WDR27: variants seen among roughly 807,000 people sequenced by gnomAD.
WDR27 encodes the protein WD repeat-containing protein 27.
In WDR27, 100 loss-of-function variants were observed where a neutral mutation model predicts 114.4. That is an observed-to-expected ratio of 0.87 (90% confidence interval 0.74 to 1.03). WDR27 has a LOEUF of 1.03. WDR27 is among the 50% of genes least tolerant of loss of function. The pLI is 0.00. For synonymous variants in WDR27, 449 were observed against 423.1 expected (o/e 1.06, Z -0.75); for missense variants, 1,129 against 1,092.9 (o/e 1.03, Z -0.47).
intron 24 of WDR27, among the ~76,000 whole-genome samples, chr6:169,577,865 C>A (rs1802690365): frequency 6.6e-6 from 1 of 152,194 alleles, no homozygotes; most frequent in Admixed American, 6.5e-5. Flanking sequence ...CCAACTCTTA[C>A]CCCATTCTCA....
At position 169,668,125 on chromosome 6, in the gene WDR27, G is replaced by C; in HGVS notation, c.517C>G (p.Pro173Ala). Residue 173 changes from proline to alanine, a missense_variant, in exon 5 of 26, where the codon CCA becomes GCA. Pro to Ala is a conservative substitution (Grantham distance 27, BLOSUM62 -1). Transcript: ENST00000448612. Reference protein sequence around the residue: ...PDVNNRHKVPPPTFLHTFSQT... With the variant: ...PDVNNRHKVPAPTFLHTFSQT... ...GAGAATGTGTGCAGGAAGGTCGGTG[G>C]TGGGACTTTGTGGCGGTTATTAACA... 1 of 1,614,058 alleles carries C rather than the reference G, an allele frequency of 6.2e-7. No homozygotes were observed.
intron 21 of WDR27, among the ~76,000 whole-genome samples, chr6:169,617,309 T>C (rs1420537991): frequency 6.6e-6 from 1 of 152,200 alleles, no homozygotes; most frequent in African/African-American, 2.4e-5. Flanking sequence ...CTGATGTATG[T>C]AGAGCCCACA....
At chr6:169,569,707 C>T (rs1402057808) in intron 25 of WDR27, among the ~76,000 whole-genome samples, 1 of 152,164 alleles carries the variant, frequency 6.6e-6, no homozygotes, top group African/African-American at 2.4e-5. Flanking sequence ...TATCAACATC[C>T]TTAAAGCATT....
At chr6:169,516,818 C>CACACAT (rs1423376812) in intron 25 of WDR27, among the ~76,000 whole-genome samples, 4 of 151,614 alleles carry the variant, frequency 2.6e-5, no homozygotes, top group East Asian at 3.9e-4. Flanking sequence ...CACACACACA[C>CACACAT]ACACACACAC....
At chr6:169,584,540 TC>T (rs1342248557) in intron 23 of WDR27, among the ~76,000 whole-genome samples, 1 of 152,224 alleles carries the variant, frequency 6.6e-6, no homozygotes, top group Non-Finnish European at 1.5e-5. Flanking sequence ...TGCACAGGGT[TC>T]CCTTGTTTCA....
intron 5 of WDR27, 45 bp downstream of exon 5, chr6:169,667,937 A>G: frequency 6.5e-7 from 1 of 1,550,306 alleles, no homozygotes; most frequent in Non-Finnish European, 8.7e-7. Context: ...AGTTCTTTCC[A>G]CAGCACGTGC....
chr6:169,497,339 G>C (rs531123512), intron 25 of WDR27, among the ~76,000 whole-genome samples: 1 of 152,102 alleles, frequency 6.6e-6, no homozygotes, highest in African/African-American at 2.4e-5. Context: ...CAGGAAAAAA[G>C]CTTTCCAGCA....
At chr6:169,682,255 G>A (rs1781732106) in intron 2 of WDR27, among the ~76,000 whole-genome samples, 1 of 152,150 alleles carries the variant, frequency 6.6e-6, no homozygotes, top group Non-Finnish European at 1.5e-5. Flanking sequence ...TCTCAGTTCT[G>A]GCCCCTCTCA....
intron 25 of WDR27, among the ~76,000 whole-genome samples, chr6:169,566,108 C>T (rs538222868): frequency 9.3e-5 from 14 of 150,134 alleles, no homozygotes; most frequent in African/African-American, 3.1e-4. Flanking sequence ...TAGAAGGAAC[C>T]AGATCAATTA....
At chr6:169,581,976 ATTT>A (rs981659015) in intron 24 of WDR27, among the ~76,000 whole-genome samples, 4 of 152,180 alleles carry the variant, frequency 2.6e-5, no homozygotes, top group African/African-American at 9.6e-5. Flanking sequence ...CCTGATATTT[ATTT>A]TTTATTTTTT....
intron 17 of WDR27, among the ~76,000 whole-genome samples, chr6:169,640,514 C>T (rs1371091899): frequency 6.6e-6 from 1 of 152,234 alleles, no homozygotes; most frequent in African/African-American, 2.4e-5. Context: ...ACATTCCTCA[C>T]TGCTGCCCAG....
chr6:169,602,092 T>A, intron 23 of WDR27, 127 bp downstream of exon 23: 1 of 566,590 alleles, frequency 1.8e-6, no homozygotes, highest in Non-Finnish European at 3.0e-6. Context: ...TGTGTAAGAG[T>A]CTTAAAATAT....
At chr6:169,438,236 CTTTTTTTTTT>C in the WDR27 span, among the ~76,000 whole-genome samples, 2 of 105,456 alleles carry the variant, frequency 1.9e-5, no homozygotes, top group South Asian at 3.3e-4. Context: ...TTTACTTTTT[CTTTTTTTTTT>C]TTTTTTTTTG....
At position 169,600,535 on chromosome 6, in the gene WDR27, G is replaced by A. The variant is rs191049973; in HGVS notation, c.2424+1684C>T. On this transcript the variant is annotated intron_variant, in intron 23 of 25. Transcript: ENST00000448612. Reference sequence around the variant, plus strand: ...TACTCCGAGCTAAAGGAGGAAGTTCGAACCCATGGCAAAGAAGTTAAAAAC... The same window carrying A: ...TACTCCGAGCTAAAGGAGGAAGTTCAAACCCATGGCAAAGAAGTTAAAAAC... Among the ~76,000 whole-genome samples the A allele has an allele frequency of 1.5e-4, 23 of 152,208 alleles. No homozygotes were observed. In the East Asian group the frequency reaches 4.3e-3, roughly 28 times the overall value.
chr6:169,529,242 G>A (rs368244297), intron 25 of WDR27, among the ~76,000 whole-genome samples: 1 of 136,174 alleles, frequency 7.3e-6, no homozygotes, highest in Non-Finnish European at 1.6e-5. Flanking sequence ...GTGAATAGAC[G>A]CATACACACC....
At chr6:169,694,369 A>T (rs1312568827) in intron 1 of WDR27, among the ~76,000 whole-genome samples, 1 of 152,208 alleles carries the variant, frequency 6.6e-6, no homozygotes, top group Non-Finnish European at 1.5e-5. Flanking sequence ...ATTTCCACAT[A>T]CACTGCTGGT....
chr6:169,442,448 GT>G, the WDR27 span, among the ~76,000 whole-genome samples: 1 of 152,006 alleles, frequency 6.6e-6, no homozygotes, highest in African/African-American at 2.4e-5. Flanking sequence ...TTTCATGTTT[GT>G]TTTGTATTTT....
rs573435229 is a variant in WDR27, at chr6:169,664,091, T to C, written c.904+75A>G. 2.6e-4 allele frequency: 356 copies of C among 1,361,022 alleles called. 1 individual carries two copies. In the African/African-American group the frequency reaches 4.4e-3, roughly 17 times the overall value. The allele number at this position is 1,361,022 out of a possible 1,614,324, so 84.3% of individuals were successfully genotyped here. On this transcript the variant is annotated intron_variant, in intron 8 of 25. Coordinates refer to ENST00000448612, the MANE Select transcript of WDR27 (RefSeq NM_182552.5). ...GGATCTCTCTCTCCCCTGTGTGACC[T>C]AGGGCCCTTGACATGGCGCCTGGTG...
rs1378608786 is a variant in WDR27, at chr6:169,483,070, C to T, written c.2646-25436G>A. ...GGAAATTTATAGCACTAAACACCCA[C>T]ATCAAAAAGGTAGAAATATCTCAAA... On this transcript the variant is annotated intron_variant, in intron 25 of 25. Coordinates refer to ENST00000448612, the MANE Select transcript of WDR27 (RefSeq NM_182552.5). 2.6e-5 allele frequency among the ~76,000 whole-genome samples: 4 copies of T among 152,250 alleles called. No homozygotes were observed. In the South Asian group the frequency reaches 8.3e-4, roughly 32 times the overall value.
Sources: gnomAD v4.1 joint callset for allele counts (sites outside exome capture counted in the v4.1 genomes callset) on GRCh38, gnomAD v4.1.1 for gene constraint, MANE v1.5 for transcripts, NCBI Gene and HGNC (gene_info 2026-07-23, HGNC 2026-07-21) for gene names.